Variants in APOLD1 observed in about 807,000 individuals in gnomAD.
APOLD1 encodes apolipoprotein L domain-containing protein 1.
In APOLD1, 22 loss-of-function variants were observed where a neutral mutation model predicts 15.3. That is an observed-to-expected ratio of 1.44 (90% CI 1.03 to 2.05). The LOEUF (loss-of-function observed/expected upper bound fraction) is 2.05, where lower values mean the gene tolerates loss of function less well. Among genes scored for constraint, APOLD1 ranks in the 30% most tolerant of loss-of-function variants. The pLI, the probability that APOLD1 is intolerant of heterozygous loss-of-function variation, is 0.00. For missense variants in APOLD1, 394 were observed against 353.5 expected, an observed-to-expected ratio of 1.11 and a Z score of -0.92; for synonymous variants, 190 against 167.4, an observed-to-expected ratio of 1.13 and a Z score of -1.04.
chr12:12,743,382 G>A (rs1034667041), intron 1 of APOLD1, among the ~76,000 whole-genome samples: 1 of 152,060 alleles, frequency 6.6e-6, no homozygotes, highest in Non-Finnish European at 1.5e-5. Context: ...AAAAAAACAG[G>A]TGTGATTAAT....
chr12:12,760,697 C>G (rs1946892186), intron 1 of APOLD1, among the ~76,000 whole-genome samples: 1 of 150,832 alleles, frequency 6.6e-6, no homozygotes, highest in African/African-American at 2.4e-5. Context: ...ACCCTTATGT[C>G]CATACCACAG....
In APOLD1 at chr12:12,790,437, T is replaced by C. The variant is rs1947175756; in HGVS notation, c.*2785T>C. The C allele has an allele frequency of 6.6e-6, 1 of 152,254 alleles. No homozygotes were observed. Among genetic ancestry groups the C allele is most frequent in the Non-Finnish European group, 1.5e-5 (1 of 68,034 alleles). The allele number at this position is 152,254 out of a possible 1,614,324, so 9.4% of individuals were successfully genotyped here. Reference sequence around the variant, plus strand: ...CATAAAGGTACAACCATTCCCTAACTCCATCTTTTATTAATGCTTAAGTTT... The same window carrying C: ...CATAAAGGTACAACCATTCCCTAACCCCATCTTTTATTAATGCTTAAGTTT... On this transcript the variant is annotated 3_prime_UTR_variant, in exon 2 of 2. Coordinates refer to ENST00000356591, the MANE Select transcript of APOLD1 (RefSeq NM_030817.3).
At chr12:12,731,110 C>T (rs567230544) in intron 1 of APOLD1, among the ~76,000 whole-genome samples, 301 of 152,294 alleles carry the variant, frequency 2.0e-3, no homozygotes, top group African/African-American at 6.5e-3. Flanking sequence ...CACTGCACTC[C>T]AGCCTGGGCG....
chr12:12,785,557 G>C (rs1192298333), upstream of APOLD1: 1 of 1,530,692 alleles, frequency 6.5e-7, no homozygotes, highest in Non-Finnish European at 9.0e-7. Context: ...GGCAGCAGGG[G>C]TCATGACAGG....
chr12:12,758,531 C>T (rs1565431918), intron 1 of APOLD1, among the ~76,000 whole-genome samples: 1 of 152,080 alleles, frequency 6.6e-6, no homozygotes, highest in Non-Finnish European at 1.5e-5. Flanking sequence ...AGCAACAGAG[C>T]AAGACTGTCT....
At chr12:12,768,900 T>C (rs866591101) in intron 1 of APOLD1, among the ~76,000 whole-genome samples, 10 of 152,032 alleles carry the variant, frequency 6.6e-5, no homozygotes, top group South Asian at 2.1e-4. Flanking sequence ...ATTAGGAACA[T>C]TAGTTTCCAT....
intron 1 of APOLD1, among the ~76,000 whole-genome samples, chr12:12,732,405 T>C (rs542301626): frequency 4.6e-4 from 70 of 152,154 alleles, no homozygotes; most frequent in African/African-American, 1.4e-3. Context: ...AATAAAGAGA[T>C]TCAAATATGC....
At chr12:12,742,452 C>T (rs1039233134) in intron 1 of APOLD1, among the ~76,000 whole-genome samples, 8 of 152,210 alleles carry the variant, frequency 5.3e-5, no homozygotes, top group African/African-American at 1.7e-4. Flanking sequence ...TCAAAGGCCA[C>T]CTTCTTCCAA....
intron 1 of APOLD1, among the ~76,000 whole-genome samples, chr12:12,753,650 G>C (rs1946832017): frequency 1.3e-5 from 2 of 152,010 alleles, no homozygotes; most frequent in Admixed American, 6.6e-5. Context: ...TCCAGCCAGG[G>C]CCACAGAGTG....
At chr12:12,785,437 G>C (rs1052951308), upstream of APOLD1, among the ~76,000 whole-genome samples, 2 of 152,272 alleles carry the variant, frequency 1.3e-5, no homozygotes, top group African/African-American at 4.8e-5. Flanking sequence ...AGAGCCTGTG[G>C]TTCTCTTCCT....
chr12:12,774,019 A>T (rs1947008374), intron 1 of APOLD1, among the ~76,000 whole-genome samples: 1 of 152,112 alleles, frequency 6.6e-6, no homozygotes, highest in Non-Finnish European at 1.5e-5. Context: ...AATCTAGATG[A>T]CCCTGGACTT....
At chr12:12,785,892 A>G (rs537689220) in intron 1 of APOLD1, among the ~76,000 whole-genome samples, 198 bp downstream of exon 1, 11 of 152,206 alleles carry the variant, frequency 7.2e-5, no homozygotes, top group Non-Finnish European at 1.2e-4. Context: ...GATGCAGGCA[A>G]TTCTTCCAGA....
intron 1 of APOLD1, among the ~76,000 whole-genome samples, chr12:12,769,186 C>A (rs1365245153): frequency 6.9e-6 from 1 of 145,688 alleles, no homozygotes; most frequent in African/African-American, 2.6e-5. Flanking sequence ...CATGATTATA[C>A]CACTGCACTA....
Position 12,791,395 on chromosome 12 carries a change from T to G in APOLD1, c.*3743T>G, listed in dbSNP as rs1947186564. ...GGATACAGTTAAATGTAGCAACTCTTGAGTTCATTTTTTCCCACTGTAGCA... is the reference window on the plus strand; with the variant it reads ...GGATACAGTTAAATGTAGCAACTCTGGAGTTCATTTTTTCCCACTGTAGCA... On this transcript the variant is annotated 3_prime_UTR_variant, in exon 2 of 2. Coordinates refer to ENST00000356591, the MANE Select transcript of APOLD1 (RefSeq NM_030817.3). 3 of 152,352 alleles carry G rather than the reference T, an allele frequency of 2.0e-5. No individual in the cohort carries two copies. The South Asian group carries it at 6.2e-4, about 32-fold the overall frequency. 9.4% of individuals were successfully genotyped at this position (152,352 alleles called of 1,614,324 possible).
At chr12:12,774,384 A>G (rs895962944) in intron 1 of APOLD1, among the ~76,000 whole-genome samples, 1 of 151,676 alleles carries the variant, frequency 6.6e-6, no homozygotes, top group African/African-American at 2.4e-5. Context: ...GTCTCTACCA[A>G]AAACTACAAA....
At position 12,755,611 on chromosome 12, in the gene APOLD1, C is replaced by A. The variant is rs953836412; in HGVS notation, c.96+29515C>A. On this transcript the variant is annotated intron_variant, in intron 1 of 1. Coordinates refer to the APOLD1 transcript ENST00000326765. The stretch of plus-strand genomic sequence containing the variant: ...ATCCCAGCACTTTCCAAGGCCAAGG[C>A]AGGTGGATTGCTTAAGCTCAGGAGT... 2.0e-5 allele frequency among the ~76,000 whole-genome samples: 3 copies of A among 152,156 alleles called. No homozygotes were observed. The East Asian group carries it at 5.8e-4, about 29-fold the overall frequency.
rs6144616 is a variant in APOLD1, at chr12:12,761,830, TAG to T, written c.97-25048_97-25047del. Among the ~76,000 whole-genome samples, 1,088 of 114,572 alleles carry T rather than the reference TAG, an allele frequency of 9.5e-3. 23 individuals carry two copies. Among genetic ancestry groups the T allele is most frequent in the African/African-American group, 0.027 (827 of 30,102 alleles). The allele number at this position is 114,572 out of a possible 152,430, so 75.2% of individuals were successfully genotyped here. A position where few individuals can be genotyped will look rare whatever the true frequency, so the allele number is the denominator to read the frequency against. ...GAACATATACATATATGTATATGTA[TAG>T]AGAGAGAGAGAGAGAGAGAGAGAGA... On this transcript the variant is annotated intron_variant, in intron 1 of 1. Transcript: ENST00000326765.
At chr12:12,785,464 G>A (rs560362497), upstream of APOLD1, 22 of 615,634 alleles carry the variant, frequency 3.6e-5, no homozygotes, top group Admixed American at 3.0e-5. Context: ...AGGGGAAAGC[G>A]AACACACAAT....
chr12:12,767,403 T>C (rs1168259457), intron 1 of APOLD1, among the ~76,000 whole-genome samples: 1 of 152,188 alleles, frequency 6.6e-6, no homozygotes, highest in Non-Finnish European at 1.5e-5. Flanking sequence ...GGCTCACACC[T>C]GTAATCCCAG....
Sources: allele counts gnomAD v4.1 joint callset (sites outside exome capture counted in the v4.1 genomes callset), GRCh38; gene constraint gnomAD v4.1.1; transcripts MANE v1.5; gene names NCBI Gene and HGNC (gene_info 2026-07-23, HGNC 2026-07-21).